Variants in ITIH1 observed in about 807,000 individuals in gnomAD.
The protein encoded by ITIH1 is inter-alpha-trypsin inhibitor heavy chain 1.
A neutral mutation model predicts 104.6 loss-of-function variants in ITIH1; 94 were observed. The observed-to-expected ratio is 0.90, with a 90% CI of 0.76 to 1.07. The LOEUF (loss-of-function observed/expected upper bound fraction) is 1.07, where lower values mean the gene tolerates loss of function less well. Ranked by LOEUF, ITIH1 falls within the 50% of genes least tolerant of loss-of-function variation. The probability of loss-of-function intolerance (pLI) is 0.00; values close to 1 mark genes in which losing one functional copy is unlikely to be tolerated. For missense variants in ITIH1, 1,193 were observed against 1,181.4 expected, an observed-to-expected ratio of 1.01 and a Z score of -0.14; for synonymous variants, 455 against 464.4, an observed-to-expected ratio of 0.98 and a Z score of 0.26.
intron 12 of ITIH1, 73 bp from the exon 13 acceptor site, chr3:52,786,222 T>G (rs1357435416): frequency 8.8e-6 from 13 of 1,478,766 alleles, no homozygotes; most frequent in Non-Finnish European, 1.0e-5. Context: ...AATGGGCCCC[T>G]CAGAGCCCCT....
Position 52,778,374 on chromosome 3 carries a change from T to A in ITIH1, c.173T>A (p.Val58Asp). ...VDGVFIRSLKVNCKVTSRFAH... is the reference protein window; with the variant it reads ...VDGVFIRSLKDNCKVTSRFAH... ...GGCGTGTTCATCCGGAGTTTGAAAG[T>A]CAACTGCAAAGTCACCTCTCGCTTC... is the stretch of plus-strand genomic sequence containing the variant. Residue 58 changes from valine (V) to aspartate (D), a missense_variant, in exon 3 of 22, where the codon GTC (valine) becomes GAC (aspartate). Physicochemically the swap from Val to Asp is radical, Grantham distance 152. Transcript: ENST00000273283. The A allele has an allele frequency of 6.2e-7, 1 of 1,614,202 alleles. No homozygotes were observed. The highest frequency in any genetic ancestry group is 1.6e-4 in the Middle Eastern group (1 of 6,062).
chr3:52,778,769 G>T (rs77833902), intron 3 of ITIH1, 173 bp from the exon 4 acceptor site: 1 of 1,185,128 alleles, frequency 8.4e-7, no homozygotes, highest in Non-Finnish European at 1.2e-6. Flanking sequence ...CTTCTTGCTG[G>T]CCTCTGACCT....
intron 1 of ITIH1, 41 bp downstream of exon 1, chr3:52,777,773 C>T (rs1387055406): frequency 1.3e-6 from 2 of 1,522,018 alleles, no homozygotes; most frequent in Admixed American, 1.8e-5. Context: ...GGCAGCTGAA[C>T]CTGGATGAGG....
chr3:52,777,929 C>T, intron 1 of ITIH1, 68 bp from the exon 2 acceptor site: 1 of 1,595,498 alleles, frequency 6.3e-7, no homozygotes, highest in Non-Finnish European at 8.6e-7. Context: ...CCACTCCCAT[C>T]CCTGAACTGG....
At chr3:52,778,271 G>C (rs967230690) in intron 2 of ITIH1, 69 bp from the exon 3 acceptor site, 1 of 1,512,276 alleles carries the variant, frequency 6.6e-7, no homozygotes. Context: ...CCAAGTCCCC[G>C]TACCACAGGA....
Position 52,785,111 on chromosome 3 carries a change from T to C in ITIH1, c.1475T>C (p.Val492Ala), listed in dbSNP as rs1186986310. Residue 492 changes from valine (V) to alanine (A), a missense_variant, in exon 12 of 22, where the codon GTC becomes GCC. Physicochemically the swap from Val to Ala is moderately conservative, Grantham distance 64 (BLOSUM62 0). Transcript: ENST00000273283. ...GATTTGCAGTACCCCCAGGATGCTG[T>C]CTTGGCCCTGACCCAGAACCACCAT... ...DVDLQYPQDA[V>A]LALTQNHHKQ... The C allele has an allele frequency of 6.2e-7, 1 of 1,614,084 alleles. No individual in the cohort carries two copies. The highest frequency in any genetic ancestry group is 2.2e-5 in the East Asian group (1 of 44,876).
chr3:52,783,280 C>T lies in ITIH1; in HGVS notation c.1166C>T (p.Pro389Leu). 6.2e-7 allele frequency: 1 copy of T among 1,614,140 alleles called. No homozygotes were observed. The highest frequency in any genetic ancestry group is 8.5e-7 in the Non-Finnish European group (1 of 1,180,024). ...TTGAACCAAGTTCAGGAAAGCCTCC[C>T]AGAACTCAGCAACCATGCCTCAATA... ...EILNQVQESL[P>L]ELSNHASILI... The change falls in exon 10 of 22, where the codon CCA becomes CTA. Residue 389 changes from proline to leucine, a missense_variant. Transcript: ENST00000273283.
intron 13 of ITIH1, 42 bp from the exon 14 acceptor site, chr3:52,786,903 G>T: frequency 1.3e-6 from 2 of 1,571,080 alleles, no homozygotes; most frequent in Non-Finnish European, 1.7e-6. Flanking sequence ...GATGAGGGCC[G>T]TGCAAGTCGG....
intron 13 of ITIH1, 91 bp downstream of exon 13, chr3:52,786,525 G>T (rs1157707898): frequency 3.2e-6 from 4 of 1,255,644 alleles, no homozygotes; most frequent in Non-Finnish European, 4.4e-6. Flanking sequence ...TGGTTCTGGG[G>T]CAAGTAGGTC....
chr3:52,790,964 A>G, intron 20 of ITIH1, 43 bp downstream of exon 20: 1 of 1,561,154 alleles, frequency 6.4e-7, no homozygotes, highest in Non-Finnish European at 8.6e-7. Context: ...AAGGGTGTTG[A>G]AGCCAGAGGA....
intron 6 of ITIH1, among the ~76,000 whole-genome samples, chr3:52,781,197 CTT>C (rs10526848): frequency 0.013 from 902 of 69,234 alleles, 63 homozygotes; most frequent in African/African-American, 0.036. Flanking sequence ...TCCTCCTCTT[CTT>C]TTTTTTTTTT....
chr3:52,781,204 TTTTTTTCTTCTTCTTCTTCTTC>T (rs1455630525), intron 6 of ITIH1, among the ~76,000 whole-genome samples: 1,533 of 121,290 alleles, frequency 0.013, 143 homozygotes, highest in African/African-American at 0.026. Context: ...CTTCTTTTTT[TTTTTTTCTTCTTCTTCTTCTTC>T]TTCTTCTTCT....
At position 52,779,882 on chromosome 3, in the gene ITIH1, T is replaced by C; in HGVS notation, c.573+288T>C. 7.2e-7 allele frequency: 1 copy of C among 1,388,756 alleles called. No individual in the cohort carries two copies. The highest frequency in any genetic ancestry group is 2.8e-5 in the East Asian group (1 of 35,702). 86.0% of individuals were successfully genotyped at this position (1,388,756 alleles called of 1,614,324 possible). A position where few individuals can be genotyped will look rare whatever the true frequency, so the allele number is the denominator to read the frequency against. The stretch of plus-strand genomic sequence containing the variant: ...CGAGAAGTACTGAATGTCCAGGTAA[T>C]TTTGTAAACTAGAAAGTCCCGCGCA... On this transcript the variant is annotated intron_variant, in intron 5 of 21. Transcript: ENST00000273283. The surrounding 1 kb of genome is among the most constrained non-coding windows in gnomAD (Gnocchi z 4.4).
Position 52,782,184 on chromosome 3 carries a change from C to T in ITIH1, c.847C>T (p.Pro283Ser), listed in dbSNP as rs1418242232. ...TAACCACTTTGCCCACTTCTTTGCC[C>T]CCCAAAACCTGACAAACATGAACAA... Reference protein sequence around the residue: ...ANNHFAHFFAPQNLTNMNKNV... With the variant: ...ANNHFAHFFASQNLTNMNKNV... The change falls in exon 8 of 22, where the codon CCC (proline) becomes TCC (serine). Residue 283 changes from proline (P) to serine (S), a missense_variant. Transcript: ENST00000273283. 2 of 1,614,148 alleles carry T rather than the reference C, an allele frequency of 1.2e-6. No individual in the cohort carries two copies. The highest frequency in any genetic ancestry group is 2.2e-5 in the South Asian group (2 of 91,074).
intron 15 of ITIH1, 129 bp from the exon 16 acceptor site, chr3:52,787,462 AC>A: frequency 8.8e-7 from 1 of 1,133,352 alleles, no homozygotes; most frequent in African/African-American, 1.5e-5. Flanking sequence ...AGGAGGCAGG[AC>A]CCCAGGGGAG....
At position 52,779,969 on chromosome 3, in the gene ITIH1, T is replaced by G; in HGVS notation, c.574-300T>G. 1 of 1,388,346 alleles carries G rather than the reference T, an allele frequency of 7.2e-7. No homozygotes were observed. Among genetic ancestry groups the G allele is most frequent in the East Asian group, 2.8e-5 (1 of 35,660 alleles). The allele number at this position is 1,388,346 out of a possible 1,614,324, so 86.0% of individuals were successfully genotyped here. A position where few individuals can be genotyped will look rare whatever the true frequency, so the allele number is the denominator to read the frequency against. On this transcript the variant is annotated intron_variant, in intron 5 of 21. Coordinates refer to ENST00000273283, the MANE Select transcript of ITIH1 (RefSeq NM_002215.4). The surrounding 1 kb of genome is among the most constrained non-coding windows in gnomAD (Gnocchi z 4.4). The stretch of plus-strand genomic sequence containing the variant: ...GTGGCTGAGTTGAGGGATGCAGGCA[T>G]GTACACCTTCATTTGGTCAGTATTT...
intron 6 of ITIH1, 48 bp downstream of exon 6, chr3:52,780,430 C>G: frequency 7.8e-7 from 1 of 1,287,936 alleles, no homozygotes; most frequent in Non-Finnish European, 1.1e-6. Context: ...GGAGACTTCT[C>G]AGCCTGCCCA....
In ITIH1 at chr3:52,778,493, A is replaced by G; in HGVS notation, c.292A>G (p.Ser98Gly). 1 of 1,614,216 alleles carries G rather than the reference A, an allele frequency of 6.2e-7. No individual in the cohort carries two copies. The highest frequency in any genetic ancestry group is 2.2e-5 in the East Asian group (1 of 44,890). The part of the protein sequence containing the change: ...DLEIPKTAFI[S>G]DFAVTADGNA... ...GGAAATCCCCAAGACAGCATTCATCAGTGACTTTGCCGTGTGCGTGCCTGC... is the reference window on the plus strand; with the variant it reads ...GGAAATCCCCAAGACAGCATTCATCGGTGACTTTGCCGTGTGCGTGCCTGC... The change falls in exon 3 of 22, where the codon AGT (serine) becomes GGT (glycine). Residue 98 changes from serine to glycine, a missense_variant. Coordinates refer to ENST00000273283, the MANE Select transcript of ITIH1 (RefSeq NM_002215.4).
At chr3:52,785,594 G>A (rs942608547) in intron 12 of ITIH1, among the ~76,000 whole-genome samples, 2 of 152,210 alleles carry the variant, frequency 1.3e-5, no homozygotes, top group Admixed American at 1.3e-4. Context: ...GTGCCATGGT[G>A]CAGTGCATGC....
Sources: gnomAD v4.1 joint callset for allele counts (sites outside exome capture counted in the v4.1 genomes callset) on GRCh38, gnomAD v4.1.1 for gene constraint, Gnocchi (gnomAD v3.1) non-coding constraint, MANE v1.5 for transcripts, NCBI Gene and HGNC (gene_info 2026-07-23, HGNC 2026-07-21) for gene names.